The following KMT2D variants were observed in gnomAD, a reference collection of about 807,000 sequenced individuals.
KMT2D encodes lysine methyltransferase 2D.
Under a neutral mutation model 512.7 loss-of-function variants are expected in KMT2D, and 55 were observed. The observed-to-expected ratio is 0.11, with a 90% CI of 0.09 to 0.13. The LOEUF is 0.13. KMT2D is among the 10% of genes least tolerant of loss of function. The pLI is 1.00. For synonymous variants in KMT2D, 2,995 were observed against 2,904.0 expected (o/e 1.03, Z -1.01); for missense variants, 6,061 against 7,127.9 (o/e 0.85, Z 5.39).
At position 49,027,918 on chromosome 12, in the gene KMT2D, T is replaced by G; in HGVS notation, c.14528A>C (p.Lys4843Thr). ...GEAEGPGGKE[K>T]GLEGKSPDTG... ...GTCTGGGCTCTTGCCTTCCAGACCC[T>G]TTTCCTTCCCACCTGCAGAAAGGAG... Residue 4843 changes from lysine (K) to threonine (T), a missense_variant, in exon 48 of 55, where the codon AAG becomes ACG. By Grantham distance (78) the Lys-to-Thr change is moderately conservative (BLOSUM62 -1). Coordinates refer to ENST00000301067, the MANE Select transcript of KMT2D (RefSeq NM_003482.4). The G allele has an allele frequency of 6.2e-7, 1 of 1,613,806 alleles. No individual in the cohort carries two copies. The highest frequency in any genetic ancestry group is 8.5e-7 in the Non-Finnish European group (1 of 1,179,830).
At position 49,044,117 on chromosome 12, in the gene KMT2D, C is replaced by T; in HGVS notation, c.5188+83G>A. 1 of 1,585,284 alleles carries T rather than the reference C, an allele frequency of 6.3e-7. No homozygotes were observed. The highest frequency in any genetic ancestry group is 8.6e-7 in the Non-Finnish European group (1 of 1,163,006). On this transcript the variant is annotated intron_variant, in intron 22 of 54. Coordinates refer to ENST00000301067, the MANE Select transcript of KMT2D (RefSeq NM_003482.4). The surrounding 1 kb of genome is among the most constrained non-coding windows in gnomAD (Gnocchi z 6.4). ...CAGCTGGGTCTACCACCCTCTTGGC[C>T]CTTTCAATGAGTCCACCCCCTGGGT... is the stretch of plus-strand genomic sequence containing the variant.
At position 49,039,106 on chromosome 12, in the gene KMT2D, A is replaced by G; in HGVS notation, c.8366+116T>C. On this transcript the variant is annotated intron_variant, in intron 34 of 54. Coordinates refer to ENST00000301067, the MANE Select transcript of KMT2D (RefSeq NM_003482.4). The surrounding 1 kb of genome is among the most constrained non-coding windows in gnomAD (Gnocchi z 5.0). ...CAGTGAGGGAGAAAAGGAATGAGGA[A>G]GAAGAGAAAGTGATACTGGAAAAGG... 2 of 1,525,948 alleles carry G rather than the reference A, an allele frequency of 1.3e-6. No individual in the cohort carries two copies. Among genetic ancestry groups the G allele is most frequent in the Non-Finnish European group, 1.8e-6 (2 of 1,106,232 alleles). The allele number at this position is 1,525,948 out of a possible 1,614,324, so 94.5% of individuals were successfully genotyped here.
At chr12:49,052,730 C>G (rs1479640635) in intron 9 of KMT2D, 21 bp from the exon 10 acceptor site, 1 of 1,609,368 alleles carries the variant, frequency 6.2e-7, no homozygotes, top group South Asian at 1.1e-5. Flanking sequence ...TACAGGGGAG[C>G]AGGCACTGTG....
In KMT2D at chr12:49,033,492, T is replaced by C. The variant is rs549521409; in HGVS notation, c.11213A>G (p.Gln3738Arg). Reference protein sequence around the residue: ...MQLAQKLQQQQQQQQQQQHLL... With the variant: ...MQLAQKLQQQRQQQQQQQHLL... The stretch of plus-strand genomic sequence containing the variant: ...GTGCTGCTGCTGCTGTTGCTGCTGC[T>C]GCTGCTGCTGCAGTTTCTGGGCCAG... The change falls in exon 40 of 55, where the codon CAG becomes CGG. Residue 3738 changes from glutamine (Q) to arginine (R), a missense_variant. Gln to Arg is a conservative substitution (Grantham distance 43). Around this residue, in one of 16 missense-constraint regions of KMT2D, gnomAD observed 1,600 missense variants for 1,754.9 expected, o/e 0.91. Transcript: ENST00000301067. 2.5e-6 allele frequency: 4 copies of C among 1,613,196 alleles called. No homozygotes were observed. The South Asian group carries it at 4.4e-5, about 18-fold the overall frequency.
intron 54 of KMT2D, 62 bp downstream of exon 54, chr12:49,021,981 G>A: frequency 1.3e-6 from 2 of 1,552,682 alleles, no homozygotes; most frequent in Non-Finnish European, 1.8e-6. Context: ...TTAGGGAATG[G>A]CAGAGAAGGG....
rs202013880 is a variant in KMT2D, at chr12:49,052,702, G to T, written c.1120C>A (p.Pro374Thr). The part of the protein sequence containing the change: ...QHTPVCSRFS[P>T]PEPGDTPTDE... ...GTGGGGGTATCGCCAGGCTCTGGGG[G>T]TGAAAATCTGCAGAGGGTACAGGGG... Residue 374 changes from proline (P) to threonine (T), a missense_variant, in exon 10 of 55, where the codon CCC (proline) becomes ACC (threonine). Transcript: ENST00000301067. 207 of 1,613,614 alleles carry T rather than the reference G, an allele frequency of 1.3e-4. No individual in the cohort carries two copies. In the African/African-American group the frequency reaches 2.5e-3, roughly 20 times the overall value.
chr12:49,041,989 G>A lies in KMT2D; in HGVS notation c.6111C>T (p.Asp2037=). Residue 2037 remains aspartate (D), a splice_region_variant and synonymous_variant, in exon 30 of 55, where the codon GAC becomes GAT. Transcript: ENST00000301067. This position sits in a 1 kb window ranked among gnomAD's most constrained non-coding sequence, Gnocchi z 5.4. Reference sequence around the variant, plus strand: ...TGATTTGTTTGCAACGGCTTGACCAGTCTGGAGGGCAGAGAGAGTGAGTCA... The same window carrying A: ...TGATTTGTTTGCAACGGCTTGACCAATCTGGAGGGCAGAGAGAGTGAGTCA... The part of the protein sequence containing the change: ...NFPNLKQDYP[D]WSSRCKQIMK... 1 of 1,612,372 alleles carries A rather than the reference G, an allele frequency of 6.2e-7. No individual in the cohort carries two copies. Among genetic ancestry groups the A allele is most frequent in the Non-Finnish European group, 8.5e-7 (1 of 1,179,276 alleles).
chr12:49,050,345 A>C lies in KMT2D; in HGVS notation c.3243T>G (p.Pro1081=), dbSNP rs2120649176. 1 of 1,611,182 alleles carries C rather than the reference A, an allele frequency of 6.2e-7. No homozygotes were observed. The highest frequency in any genetic ancestry group is 8.5e-7 in the Non-Finnish European group (1 of 1,178,580). Residue 1081 remains proline (P), a synonymous_variant, in exon 12 of 55, where the codon CCT becomes CCG. Coordinates refer to ENST00000301067, the MANE Select transcript of KMT2D (RefSeq NM_003482.4). The stretch of plus-strand genomic sequence containing the variant: ...CACTGGGTTCCAAGGCTGGGCATTC[A>C]GGTTCTGAAACTTTCTCAGTCTCCA... ...HEMETEKVSE[P]ECPALEPSAT...
In KMT2D at chr12:49,031,838, G is replaced by A. The variant is rs202082835; in HGVS notation, c.12867C>T (p.Leu4289=). The change falls in exon 40 of 55, where the codon CTC becomes CTT. Residue 4289 remains leucine, a synonymous_variant. Coordinates refer to ENST00000301067, the MANE Select transcript of KMT2D (RefSeq NM_003482.4). ...TAGATAAGGCTCCTGGTGGGGCAGGGAGCCGGGGTGGGCCCTGAGGTCGAG... is the reference window on the plus strand; with the variant it reads ...TAGATAAGGCTCCTGGTGGGGCAGGAAGCCGGGGTGGGCCCTGAGGTCGAG... ...AGPRPQGPPR[L]PAPPGALSTG... is the part of the protein sequence containing the mutation. The A allele has an allele frequency of 4.9e-4, 765 of 1,553,680 alleles. 4 individuals are homozygous for A. In the African/African-American group the frequency reaches 9.4e-3, roughly 19 times the overall value.
chr12:49,035,458 AAAC>A (rs1332901722), intron 35 of KMT2D: 1 of 152,456 alleles, frequency 6.6e-6, no homozygotes. Context: ...AAAAAAGAAG[AAAC>A]AACCAACCAC....
At position 49,060,715 on chromosome 12, in the gene KMT2D, G is replaced by A. The variant is rs893520625; in HGVS notation, c.-1140C>T. Among the ~76,000 whole-genome samples the A allele has an allele frequency of 3.9e-5, 6 of 152,358 alleles. No homozygotes were observed. Among genetic ancestry groups the A allele is most frequent in the Admixed American group, 2.6e-4 (4 of 15,310 alleles). On this transcript the variant is annotated 5_prime_UTR_variant, in exon 1 of 55. Coordinates refer to ENST00000301067, the MANE Select transcript of KMT2D (RefSeq NM_003482.4). ...AAGCCTTCGGCGCTAGATCCGGGGGGGCCTTTTGCCCGGGGCACCCCACTC... is the reference window on the plus strand; with the variant it reads ...AAGCCTTCGGCGCTAGATCCGGGGGAGCCTTTTGCCCGGGGCACCCCACTC...
intron 48 of KMT2D, 23 bp from the exon 49 acceptor site, chr12:49,027,345 A>G: frequency 6.7e-7 from 1 of 1,503,158 alleles, no homozygotes; most frequent in South Asian, 1.4e-5. Flanking sequence ...GCCCTGTATC[A>G]TTAGTGCCAG....
rs2120705684 is a variant in KMT2D at position 49,054,184 on chromosome 12, C to G, written c.511-44G>C. 6.4e-7 allele frequency: 1 copy of G among 1,551,750 alleles called. No homozygotes were observed. The highest frequency in any genetic ancestry group is 8.7e-7 in the Non-Finnish European group (1 of 1,146,430). On this transcript the variant is annotated intron_variant, in intron 5 of 54. Transcript: ENST00000301067. The surrounding 1 kb of genome is among the most constrained non-coding windows in gnomAD (Gnocchi z 6.4). ...AGCCTCAGTGTCAGCCAGCTCTCCC[C>G]AGACAAACAGTTCAGGCACTAGCTC...
At position 49,042,789 on chromosome 12, in the gene KMT2D, G is replaced by A; in HGVS notation, c.5734C>T (p.Pro1912Ser). The A allele has an allele frequency of 6.2e-7, 1 of 1,613,936 alleles. No homozygotes were observed. Among genetic ancestry groups the A allele is most frequent in the Non-Finnish European group, 8.5e-7 (1 of 1,179,848 alleles). The change falls in exon 27 of 55, where the codon CCT (proline) becomes TCT (serine). Residue 1912 changes from proline (P) to serine (S), a missense_variant. By Grantham distance (74) the Pro-to-Ser change is moderately conservative. Transcript: ENST00000301067. The surrounding 1 kb of genome is among the most constrained non-coding windows in gnomAD (Gnocchi z 4.4). ...GGCGTACGGCTGCCTTCTAGGCCAG[G>A]GGTTCCACAACCCAGATGCTGTTCT... ...EREQHLGCGT[P>S]GLEGSRTPLQ...
rs2137705401 is a variant in KMT2D, at chr12:49,022,396, A to G, written c.16339-43T>C. On this transcript the variant is annotated intron_variant, in intron 52 of 54. Transcript: ENST00000301067. The surrounding 1 kb of genome is among the most constrained non-coding windows in gnomAD (Gnocchi z 8.6). ...GCAGAAGAAGGGACAAGAGTATCAG[A>G]GAGTGGCAGTGGTGGCTGTGGGATC... 1 of 1,576,438 alleles carries G rather than the reference A, an allele frequency of 6.3e-7. No individual in the cohort carries two copies. The highest frequency in any genetic ancestry group is 8.7e-7 in the Non-Finnish European group (1 of 1,155,334).
In KMT2D at chr12:49,038,971, G is replaced by A. The variant is rs1427635487; in HGVS notation, c.8385C>T (p.Ser2795=). The A allele has an allele frequency of 3.2e-6, 5 of 1,551,662 alleles. No individual in the cohort carries two copies. The highest frequency in any genetic ancestry group is 3.5e-6 in the Non-Finnish European group (4 of 1,147,058). Residue 2795 remains serine, a synonymous_variant, in exon 35 of 55, where the codon TCC becomes TCT. Transcript: ENST00000301067. The surrounding 1 kb of genome is among the most constrained non-coding windows in gnomAD (Gnocchi z 5.7). ...DVNSRQLVGG[S]QAFYQRAPYP... ...AGGGTGCTCGCTGATAGAAAGCTTG[G>A]GAGCCTCCTACCAGTTGCCTGGAAG...
chr12:49,025,089 T>C lies in KMT2D; in HGVS notation c.15785-143A>G, dbSNP rs1942508607. On this transcript the variant is annotated intron_variant, in intron 49 of 54. Transcript: ENST00000301067. ...TTGTGTTGGTCTTCCAGATCCTCTC[T>C]TGGCCTCCTAGTCTCACTCTCTCTT... 6.1e-6 allele frequency: 6 copies of C among 985,772 alleles called. No individual in the cohort carries two copies. In the East Asian group the frequency reaches 1.6e-4, roughly 26 times the overall value. The allele number at this position is 985,772 out of a possible 1,614,324, so 61.1% of individuals were successfully genotyped here.
At chr12:49,023,001 TG>T in intron 51 of KMT2D, 126 bp from the exon 52 acceptor site, 2 of 1,044,418 alleles carry the variant, frequency 1.9e-6, no homozygotes, top group Non-Finnish European at 1.3e-6. Flanking sequence ...TGGCAAGCAC[TG>T]GAAGTGCAGC....
rs534199254 is a variant in KMT2D at position 49,051,553 on chromosome 12, T to C, written c.2130A>G (p.Pro710=). 8.1e-6 allele frequency: 13 copies of C among 1,608,806 alleles called. No individual in the cohort carries two copies. The African/African-American group carries it at 1.5e-4, about 18-fold the overall frequency. The part of the protein sequence containing the change: ...PPPEDSPASP[P]PEDSLMSLPL... ...GCAGGGACATGAGCGAGTCCTCCGG[T>C]GGTGGGGAAGCAGGTGAGTCCTCAG... Residue 710 remains proline (P), a synonymous_variant, in exon 11 of 55, where the codon CCA becomes CCG. Coordinates refer to ENST00000301067, the MANE Select transcript of KMT2D (RefSeq NM_003482.4).
Sources: allele counts gnomAD v4.1 joint callset (sites outside exome capture counted in the v4.1 genomes callset), GRCh38; gene constraint gnomAD v4.1.1; regional missense constraint gnomAD v4.1.1; non-coding constraint Gnocchi (gnomAD v3.1); transcripts MANE v1.5; gene names NCBI Gene and HGNC (gene_info 2026-07-23, HGNC 2026-07-21).